ABCA4: variants seen among roughly 807,000 people sequenced by gnomAD.
ABCA4 encodes ATP binding cassette subfamily A member 4, also known as retinal-specific phospholipid-transporting ATPase ABCA4.
A neutral mutation model predicts 263.7 loss-of-function variants in ABCA4; 196 were observed. The observed-to-expected ratio is 0.74, with a 90% CI of 0.66 to 0.84. ABCA4 has a LOEUF of 0.84. ABCA4 is among the 40% of genes least tolerant of loss of function. The pLI is 0.00. For missense variants in ABCA4, 2,792 were observed against 2,855.1 expected (o/e 0.98, Z 0.50); for synonymous variants, 1,133 against 1,094.2 (o/e 1.04, Z -0.70).
rs369871044 is a variant in ABCA4 at position 94,082,094 on chromosome 1, C to T, written c.858+1258G>A. On this transcript the variant is annotated intron_variant, in intron 7 of 49. Coordinates refer to ENST00000370225, the MANE Select transcript of ABCA4 (RefSeq NM_000350.3). ...TGAAACTGATGAGCCCAGGGAGAAT[C>T]CACACAGTGAGTCATGCCTATAATC... Among the ~76,000 whole-genome samples the T allele has an allele frequency of 7.9e-5, 12 of 152,310 alleles. No homozygotes were observed. In the South Asian group the frequency reaches 1.0e-3, roughly 13 times the overall value.
intron 1 of ABCA4, among the ~76,000 whole-genome samples, chr1:94,119,581 C>T (rs1295929972): frequency 6.6e-6 from 1 of 152,190 alleles, no homozygotes; most frequent in Non-Finnish European, 1.5e-5. Flanking sequence ...GCACGCCTTC[C>T]TCCCAAGTCC....
In ABCA4 at chr1:94,031,905, G is replaced by C; in HGVS notation, c.4001C>G (p.Pro1334Arg). ...CGGGCCTGGGCACTCTGGCTCTGGG[G>C]GAGGCTGGCCCTCTGGGTGAGCAGC... The part of the protein sequence containing the change: ...APAAHPEGQP[P>R]PEPECPGPQL... Residue 1334 changes from proline to arginine, a missense_variant, in exon 27 of 50, where the codon CCC (proline) becomes CGC (arginine). Pro to Arg is a moderately radical substitution (Grantham distance 103). Transcript: ENST00000370225. 6.2e-7 allele frequency: 1 copy of C among 1,614,176 alleles called. No individual in the cohort carries two copies. The highest frequency in any genetic ancestry group is 8.5e-7 in the Non-Finnish European group (1 of 1,180,026).
At chr1:94,095,842 T>A (rs1662112141) in intron 6 of ABCA4, among the ~76,000 whole-genome samples, 1 of 150,740 alleles carries the variant, frequency 6.6e-6, no homozygotes, top group Non-Finnish European at 1.5e-5. Flanking sequence ...ACTAGATGTG[T>A]CCTGCTTCGG....
chr1:94,067,718 G>T, intron 11 of ABCA4, among the ~76,000 whole-genome samples: 1 of 152,158 alleles, frequency 6.6e-6, no homozygotes, highest in Non-Finnish European at 1.5e-5. Flanking sequence ...GCTTACAATT[G>T]CCTCCCTGTA....
At chr1:94,088,899 G>A (rs552092827) in intron 6 of ABCA4, among the ~76,000 whole-genome samples, 26 of 152,340 alleles carry the variant, frequency 1.7e-4, no homozygotes, top group South Asian at 6.2e-4. Context: ...GGGAGGCTGC[G>A]CATAAGTAAA....
intron 3 of ABCA4, among the ~76,000 whole-genome samples, chr1:94,109,042 G>A (rs1662523535): frequency 6.6e-6 from 1 of 152,178 alleles, no homozygotes; most frequent in Non-Finnish European, 1.5e-5. Flanking sequence ...AAAGTGCTGG[G>A]ATTACAGGCA....
At chr1:94,060,482 A>T in intron 14 of ABCA4, 55 bp downstream of exon 14, 2 of 1,508,932 alleles carry the variant, frequency 1.3e-6, no homozygotes, top group Non-Finnish European at 9.2e-7. Flanking sequence ...ACAGGAGGAA[A>T]GGGGAAAGGA....
rs886044759 is a variant in ABCA4, at chr1:94,001,910, C to T, written c.6230G>A (p.Arg2077Gln). ...LAGTYSGGNKRKLSTAIALIG... is the reference protein window; with the variant it reads ...LAGTYSGGNKQKLSTAIALIG... ...GAGTGCGATGGCTGTGGAGAGTTTC[C>T]GCTTGTTGCCCCCACTGTACGTGCC... Residue 2077 changes from arginine (R) to glutamine (Q), a missense_variant, in exon 45 of 50, where the codon CGG becomes CAG. Transcript: ENST00000370225. 4.3e-6 allele frequency: 7 copies of T among 1,614,210 alleles called. No homozygotes were observed. In the East Asian group the frequency reaches 6.7e-5, roughly 15 times the overall value.
At chr1:94,039,975 GGACACACC>G in intron 24 of ABCA4, 60 bp downstream of exon 24, 2 of 1,341,256 alleles carry the variant, frequency 1.5e-6, no homozygotes, top group Non-Finnish European at 2.1e-6. Flanking sequence ...CATCACAACA[GGACACACC>G]CAGCAATACT....
At chr1:94,033,597 T>C (rs1183612104) in intron 26 of ABCA4, among the ~76,000 whole-genome samples, 2 of 152,212 alleles carry the variant, frequency 1.3e-5, no homozygotes, top group Non-Finnish European at 1.5e-5. Flanking sequence ...TTGCTGGACA[T>C]GGAGAGCCTA....
At position 94,019,753 on chromosome 1, in the gene ABCA4, G is replaced by A. The variant is rs754752949; in HGVS notation, c.5025C>T (p.Thr1675=). 3 of 1,612,108 alleles carry A rather than the reference G, an allele frequency of 1.9e-6. No individual in the cohort carries two copies. The highest frequency in any genetic ancestry group is 2.2e-5 in the South Asian group (2 of 90,570). The change falls in exon 36 of 50, where the codon ACC becomes ACT. Residue 1675 remains threonine (T), a synonymous_variant. Transcript: ENST00000370225. The part of the protein sequence containing the change: ...KEQLSEITVL[T]TSVDAVVAIC... Reference sequence around the variant, plus strand: ...TGGCAACCACAGCATCCACTGAAGTGGTCAGCCTGCAGCAGGGCCAGAGAC... The same window carrying A: ...TGGCAACCACAGCATCCACTGAAGTAGTCAGCCTGCAGCAGGGCCAGAGAC...
intron 44 of ABCA4, among the ~76,000 whole-genome samples, chr1:94,002,430 C>T (rs1006200588): frequency 1.3e-5 from 2 of 152,242 alleles, no homozygotes; most frequent in South Asian, 2.1e-4. Context: ...ACTGACCATA[C>T]GCCAGGCACT....
At chr1:94,112,560 C>T (rs557521149) in intron 2 of ABCA4, among the ~76,000 whole-genome samples, 27 of 152,270 alleles carry the variant, frequency 1.8e-4, no homozygotes, top group African/African-American at 2.9e-4. Flanking sequence ...TGCTTTAGAA[C>T]GCTGAGGTGG....
chr1:94,033,853 G>T (rs1269441029), intron 26 of ABCA4, among the ~76,000 whole-genome samples: 1 of 152,064 alleles, frequency 6.6e-6, no homozygotes, highest in African/African-American at 2.4e-5. Flanking sequence ...TCCTGATCCG[G>T]GCTCAGATTT....
At chr1:94,082,467 A>C (rs1661726472) in intron 7 of ABCA4, among the ~76,000 whole-genome samples, 1 of 152,200 alleles carries the variant, frequency 6.6e-6, no homozygotes, top group Non-Finnish European at 1.5e-5. Context: ...TGCTATGAAG[A>C]AAAGACTGTT....
chr1:94,058,569 C>T (rs902056516), intron 14 of ABCA4, among the ~76,000 whole-genome samples: 35 of 152,316 alleles, frequency 2.3e-4, no homozygotes, highest in African/African-American at 7.9e-4. Context: ...GCCATGTTGG[C>T]CAGACTGCTC....
At chr1:94,020,335 C>A (rs1346704886) in intron 35 of ABCA4, among the ~76,000 whole-genome samples, 1 of 152,156 alleles carries the variant, frequency 6.6e-6, no homozygotes, top group Non-Finnish European at 1.5e-5. Context: ...GGGCTAAAGC[C>A]AGCCTGAACT....
intron 6 of ABCA4, among the ~76,000 whole-genome samples, chr1:94,096,631 C>T (rs1231386820): frequency 6.6e-6 from 1 of 152,210 alleles, no homozygotes; most frequent in African/African-American, 2.4e-5. Flanking sequence ...CTTGGTCTTT[C>T]TTGTCTGATA....
intron 38 of ABCA4, among the ~76,000 whole-genome samples, chr1:94,011,659 T>A (rs1032798976): frequency 6.6e-6 from 1 of 152,232 alleles, no homozygotes; most frequent in Non-Finnish European, 1.5e-5. Context: ...CCTGCAAGTT[T>A]CTAGTGGGCG....
Sources: allele counts gnomAD v4.1 joint callset (sites outside exome capture counted in the v4.1 genomes callset), GRCh38; gene constraint gnomAD v4.1.1; transcripts MANE v1.5; gene names NCBI Gene and HGNC (gene_info 2026-07-23, HGNC 2026-07-21).